Variants in ELOVL6 observed in about 807,000 individuals in gnomAD.
The protein encoded by ELOVL6 is ELOVL fatty acid elongase 6, also known as very long chain fatty acid elongase 6.
ELOVL6 carries 8 observed loss-of-function variants against 31.7 expected under a neutral mutation model. The observed-to-expected ratio is 0.25, with a 90% CI of 0.15 to 0.45. ELOVL6 has a LOEUF of 0.45. ELOVL6 is among the 20% of genes least tolerant of loss of function. ELOVL6 has a pLI of 1.00. For missense variants in ELOVL6, 126 were observed against 326.4 expected (o/e 0.39, Z 4.73); for synonymous variants, 101 against 117.7 (o/e 0.86, Z 0.92).
At chr4:110,056,470 C>T (rs1357205399) in intron 3 of ELOVL6, among the ~76,000 whole-genome samples, 1 of 151,842 alleles carries the variant, frequency 6.6e-6, no homozygotes, top group Non-Finnish European at 1.5e-5. Context: ...CAGCGGTTTA[C>T]CTCTGAATGG....
chr4:110,182,833 G>A (rs977505084), intron 1 of ELOVL6, among the ~76,000 whole-genome samples: 5 of 152,134 alleles, frequency 3.3e-5, no homozygotes, highest in Admixed American at 6.5e-5. Flanking sequence ...ACTTGAACCC[G>A]GGAGGCGGAG....
chr4:110,121,698 CA>C lies in ELOVL6; in HGVS notation c.90-16071del, dbSNP rs544845197. 1.6e-3 allele frequency among the ~76,000 whole-genome samples: 249 copies of C among 151,040 alleles called. 4 individuals are homozygous for C. The East Asian group carries it at 0.037, about 22-fold the overall frequency. On this transcript the variant is annotated intron_variant, in intron 1 of 3. Coordinates refer to ENST00000302274, the MANE Select transcript of ELOVL6 (RefSeq NM_024090.3). ...TGGGCGACAGATCGAGACTCTGTCT[CA>C]AAAAAAAAGTAGTAGTTTTTATCAT... is the stretch of plus-strand genomic sequence containing the variant.
At chr4:110,142,668 T>C (rs1757997630) in intron 1 of ELOVL6, among the ~76,000 whole-genome samples, 1 of 152,232 alleles carries the variant, frequency 6.6e-6, no homozygotes, top group Non-Finnish European at 1.5e-5. Context: ...TTCAGGTAGA[T>C]CATGCCATTT....
chr4:110,073,863 T>G (rs766105922), intron 2 of ELOVL6, among the ~76,000 whole-genome samples: 1 of 152,232 alleles, frequency 6.6e-6, no homozygotes, highest in Non-Finnish European at 1.5e-5. Context: ...ACTTTCTGGC[T>G]TATTCCTTAT....
At chr4:110,143,957 G>A (rs1758035342) in intron 1 of ELOVL6, among the ~76,000 whole-genome samples, 3 of 151,134 alleles carry the variant, frequency 2.0e-5, no homozygotes, top group Admixed American at 2.0e-4. Flanking sequence ...GGGAGGCTGA[G>A]GCAGGAGAAA....
chr4:110,054,688 A>G (rs1754929704), intron 3 of ELOVL6, among the ~76,000 whole-genome samples: 2 of 152,326 alleles, frequency 1.3e-5, no homozygotes, highest in South Asian at 4.1e-4. Flanking sequence ...TGATTAAGAA[A>G]AACCATATTA....
At chr4:110,074,190 G>C (rs1755567684) in intron 2 of ELOVL6, among the ~76,000 whole-genome samples, 1 of 152,170 alleles carries the variant, frequency 6.6e-6, no homozygotes, top group South Asian at 2.1e-4. Flanking sequence ...ATATGAAATG[G>C]CTTGGTATTT....
chr4:110,078,306 C>A lies in ELOVL6; in HGVS notation c.222-18552G>T, dbSNP rs373057372. Among the ~76,000 whole-genome samples the A allele has an allele frequency of 5.3e-5, 8 of 151,984 alleles. No homozygotes were observed. The East Asian group carries it at 5.8e-4, about 11-fold the overall frequency. On this transcript the variant is annotated intron_variant, in intron 2 of 3. Coordinates refer to ENST00000302274, the MANE Select transcript of ELOVL6 (RefSeq NM_024090.3). ...TAATTGTCAGATTCACCAAAGTTGA[C>A]ATGAAGGAAAAAATGTTAAGGGCAG...
chr4:110,059,636 A>T lies in ELOVL6; in HGVS notation c.340T>A (p.Tyr114Asn). ...YNGPVSKFWA[Y>N]AFVLSKAPEL... is the part of the protein sequence containing the mutation. ...GGTGCTTTGCTTAGCACAAATGCAT[A>T]AGCCCAGAATTTGCTGACAGGTCCA... Residue 114 changes from tyrosine to asparagine, a missense_variant, in exon 3 of 4, where the codon TAT becomes AAT. Around this residue, in one of 3 missense-constraint regions of ELOVL6, gnomAD observed 53 missense variants for 193.4 expected, o/e 0.27. Coordinates refer to ENST00000302274, the MANE Select transcript of ELOVL6 (RefSeq NM_024090.3). 1 of 1,614,140 alleles carries T rather than the reference A, an allele frequency of 6.2e-7. No homozygotes were observed. Among genetic ancestry groups the T allele is most frequent in the Non-Finnish European group, 8.5e-7 (1 of 1,179,996 alleles).
intron 2 of ELOVL6, among the ~76,000 whole-genome samples, chr4:110,084,553 C>CAGATATATATTTTTATAT (rs1560815725): frequency 1.6e-4 from 9 of 57,940 alleles, no homozygotes; most frequent in African/African-American, 8.3e-4. Context: ...CACACACACA[C>CAGATATATATTTTTATAT]ACACACACAG....
chr4:110,161,104 C>T (rs1358219556), intron 1 of ELOVL6, among the ~76,000 whole-genome samples: 3 of 152,036 alleles, frequency 2.0e-5, no homozygotes, highest in Admixed American at 6.6e-5. Flanking sequence ...GCAACATTTC[C>T]AGTGCAATGT....
intron 2 of ELOVL6, among the ~76,000 whole-genome samples, chr4:110,077,686 C>T (rs944422617): frequency 1.1e-4 from 17 of 152,140 alleles, no homozygotes; most frequent in African/African-American, 4.1e-4. Context: ...GAGCACCTCT[C>T]CTCCCCCAAA....
chr4:110,148,109 C>CAAAAAAA (rs1157605540), intron 1 of ELOVL6, among the ~76,000 whole-genome samples: 1 of 54,936 alleles, frequency 1.8e-5, no homozygotes, highest in African/African-American at 6.1e-5. Context: ...AACTCGGTCT[C>CAAAAAAA]AAAAAAAAAA....
At chr4:110,106,275 A>C (rs866716754) in intron 1 of ELOVL6, among the ~76,000 whole-genome samples, 2 of 152,242 alleles carry the variant, frequency 1.3e-5, no homozygotes, top group African/African-American at 4.8e-5. Flanking sequence ...AATTGCTTGA[A>C]ACCAGAAGGC....
At chr4:110,062,197 G>A (rs769850526) in intron 2 of ELOVL6, among the ~76,000 whole-genome samples, 5 of 152,316 alleles carry the variant, frequency 3.3e-5, no homozygotes, top group Admixed American at 2.0e-4. Context: ...GCACTGTAGA[G>A]TTGAAGGTTT....
Position 110,050,322 on chromosome 4 carries a change from G to T in ELOVL6, c.*1016C>A, listed in dbSNP as rs1328882102. The T allele has an allele frequency of 6.6e-6, 1 of 152,564 alleles. No individual in the cohort carries two copies. The highest frequency in any genetic ancestry group is 1.5e-5 in the Non-Finnish European group (1 of 68,044). 9.5% of individuals were successfully genotyped at this position (152,564 alleles called of 1,614,324 possible). A position where few individuals can be genotyped will look rare whatever the true frequency, so the allele number is the denominator to read the frequency against. On this transcript the variant is annotated 3_prime_UTR_variant, in exon 4 of 4. Transcript: ENST00000302274. ...TGTGTGTGAAGTCAAACAGGGAGGG[G>T]CATACACACCATCTGTCTGTCGAAT...
At chr4:110,066,446 C>G (rs1755302669) in intron 2 of ELOVL6, among the ~76,000 whole-genome samples, 1 of 151,658 alleles carries the variant, frequency 6.6e-6, no homozygotes, top group Non-Finnish European at 1.5e-5. Flanking sequence ...ATCATCCTGG[C>G]TAACACGGTG....
intron 1 of ELOVL6, among the ~76,000 whole-genome samples, chr4:110,168,977 T>G (rs1425434770): frequency 6.6e-6 from 1 of 152,164 alleles, no homozygotes; most frequent in Non-Finnish European, 1.5e-5. Flanking sequence ...TGTTATTTTC[T>G]TTGAGAAAGG....
intron 2 of ELOVL6, among the ~76,000 whole-genome samples, chr4:110,092,210 TC>T (rs1756446645): frequency 6.6e-6 from 1 of 152,146 alleles, no homozygotes; most frequent in African/African-American, 2.4e-5. Flanking sequence ...CAAAATCAAG[TC>T]AGATCTGGGA....
Sources: allele counts gnomAD v4.1 joint callset (sites outside exome capture counted in the v4.1 genomes callset), GRCh38; gene constraint gnomAD v4.1.1; regional missense constraint gnomAD v4.1.1; transcripts MANE v1.5; gene names NCBI Gene and HGNC (gene_info 2026-07-23, HGNC 2026-07-21).